VWC2: variants seen among roughly 807,000 people sequenced by gnomAD.
VWC2 encodes brorin.
A neutral mutation model predicts 29.8 loss-of-function variants in VWC2; 14 were observed. The ratio of observed to expected loss-of-function variants is 0.47; its 90% CI spans 0.31 to 0.74. The LOEUF (loss-of-function observed/expected upper bound fraction) is 0.74, where lower values mean the gene tolerates loss of function less well. Among genes scored for constraint, VWC2 ranks in the 30% least tolerant of loss-of-function variants. The pLI is 0.05. For synonymous variants in VWC2, 213 were observed against 199.0 expected, an observed-to-expected ratio of 1.07 and a Z score of -0.59; for missense variants, 457 against 459.8, an observed-to-expected ratio of 0.99 and a Z score of 0.05.
intron 3 of VWC2, among the ~76,000 whole-genome samples, chr7:49,885,740 T>A (rs1169842288): frequency 1.3e-5 from 2 of 152,160 alleles, no homozygotes; most frequent in African/African-American, 4.8e-5. Context: ...TGGGGCTAAT[T>A]TTAGATGCGG....
chr7:49,804,282 ACT>A (rs1458681388), intron 3 of VWC2, among the ~76,000 whole-genome samples: 4 of 151,590 alleles, frequency 2.6e-5, no homozygotes, highest in Non-Finnish European at 4.4e-5. Context: ...GGGGAAGAAG[ACT>A]CTGGGATTGG....
At chr7:49,892,035 T>C (rs924862388) in intron 3 of VWC2, among the ~76,000 whole-genome samples, 1 of 109,830 alleles carries the variant, frequency 9.1e-6, no homozygotes, top group Non-Finnish European at 1.9e-5. Context: ...AAGTAGATTT[T>C]TTTTTTTTTT....
intron 3 of VWC2, among the ~76,000 whole-genome samples, chr7:49,818,594 C>A (rs1346085295): frequency 1.3e-5 from 2 of 151,842 alleles, no homozygotes; most frequent in Admixed American, 6.6e-5. Flanking sequence ...TCTGCAGGAC[C>A]CCGAGAGAGA....
intron 3 of VWC2, among the ~76,000 whole-genome samples, chr7:49,829,894 T>C (rs1789486435): frequency 6.6e-6 from 1 of 152,380 alleles, no homozygotes; most frequent in Admixed American, 6.5e-5. Context: ...CTTTATCTGC[T>C]ACCTGGAAGC....
intron 3 of VWC2, among the ~76,000 whole-genome samples, chr7:49,854,176 C>T (rs1232707857): frequency 6.6e-6 from 1 of 152,144 alleles, no homozygotes; most frequent in African/African-American, 2.4e-5. Flanking sequence ...AATAAGCATA[C>T]ATGTGCACGT....
intron 2 of VWC2, among the ~76,000 whole-genome samples, chr7:49,790,734 C>A (rs1583629154): frequency 6.6e-6 from 1 of 151,576 alleles, no homozygotes; most frequent in East Asian, 2.0e-4. Context: ...GGGCCAGAGT[C>A]CCCAGGTGGC....
chr7:49,900,893 T>C (rs1447286127), intron 3 of VWC2, among the ~76,000 whole-genome samples: 2 of 151,896 alleles, frequency 1.3e-5, no homozygotes. Flanking sequence ...CCCAACCATG[T>C]GTAAGAATAA....
intron 3 of VWC2, among the ~76,000 whole-genome samples, chr7:49,859,107 C>A (rs1790544292): frequency 6.6e-6 from 1 of 152,142 alleles, no homozygotes; most frequent in Non-Finnish European, 1.5e-5. Flanking sequence ...AGGAAGCATA[C>A]CTTAGAGGAG....
Position 49,921,436 on chromosome 7 carries a change from T to G in VWC2, c.*9251T>G, listed in dbSNP as rs1295054735. 6 of 152,252 alleles carry G rather than the reference T, an allele frequency of 3.9e-5. No homozygotes were observed. Among genetic ancestry groups the G allele is most frequent in the Non-Finnish European group, 7.3e-5 (5 of 68,048 alleles). The allele number at this position is 152,252 out of a possible 1,614,324, so 9.4% of individuals were successfully genotyped here. On this transcript the variant is annotated 3_prime_UTR_variant, in exon 4 of 4. Coordinates refer to ENST00000340652, the MANE Select transcript of VWC2 (RefSeq NM_198570.5). ...GCAATTTATTTGCTTTAATGTAACT[T>G]GGCAGTAAAGACTTTGGCCTTTGGA...
At chr7:49,842,976 G>T (rs1356667180) in intron 3 of VWC2, among the ~76,000 whole-genome samples, 1 of 152,022 alleles carries the variant, frequency 6.6e-6, no homozygotes, top group Non-Finnish European at 1.5e-5. Context: ...GCTGAGGTTT[G>T]GGGTACAAGT....
chr7:49,853,579 T>A lies in VWC2; in HGVS notation c.826+50739T>A, dbSNP rs368200063. Among the ~76,000 whole-genome samples the A allele has an allele frequency of 3.8e-4, 58 of 152,218 alleles. No homozygotes were observed. In the East Asian group the frequency reaches 7.2e-3, roughly 19 times the overall value. ...GTAGACTATAAACCCTATAATGAGA[T>A]TAAATGAAAGAATTTACATAAAGTA... On this transcript the variant is annotated intron_variant, in intron 3 of 3. Transcript: ENST00000340652.
intron 3 of VWC2, among the ~76,000 whole-genome samples, chr7:49,812,304 T>C (rs1296429096): frequency 6.6e-6 from 1 of 152,204 alleles, no homozygotes; most frequent in Non-Finnish European, 1.5e-5. Flanking sequence ...TTATGGTATG[T>C]AAAATATTCC....
At chr7:49,890,534 C>G (rs897572741) in intron 3 of VWC2, among the ~76,000 whole-genome samples, 1 of 152,128 alleles carries the variant, frequency 6.6e-6, no homozygotes, top group Non-Finnish European at 1.5e-5. Context: ...TTTCTGCAGG[C>G]TAACTTCTCA....
At chr7:49,860,128 T>G (rs903066906) in intron 3 of VWC2, among the ~76,000 whole-genome samples, 2 of 152,198 alleles carry the variant, frequency 1.3e-5, no homozygotes, top group African/African-American at 4.8e-5. Context: ...ATTGCCATTT[T>G]AATCTTTTTA....
chr7:49,892,459 G>T (rs1792184016), intron 3 of VWC2, among the ~76,000 whole-genome samples: 1 of 152,190 alleles, frequency 6.6e-6, no homozygotes, highest in African/African-American at 2.4e-5. Flanking sequence ...AAGAAGTCCT[G>T]CTATACAGGG....
chr7:49,891,038 A>G (rs623107), intron 3 of VWC2, among the ~76,000 whole-genome samples: 117,131 of 152,176 alleles, frequency 0.77, 45,290 homozygotes, highest in East Asian at 0.89. Context: ...TCATTACTAT[A>G]TTGAATAAAA....
chr7:49,855,601 A>T (rs1790384474), intron 3 of VWC2, among the ~76,000 whole-genome samples: 1 of 152,240 alleles, frequency 6.6e-6, no homozygotes, highest in Admixed American at 6.5e-5. Context: ...CGTCCCTTTA[A>T]GTCAGGACAG....
intron 2 of VWC2, among the ~76,000 whole-genome samples, chr7:49,782,938 A>G (rs1392950556): frequency 6.6e-6 from 1 of 152,176 alleles, no homozygotes; most frequent in Admixed American, 6.5e-5. Flanking sequence ...TGTATGTGAA[A>G]GCAATTTGAA....
intron 3 of VWC2, among the ~76,000 whole-genome samples, chr7:49,837,246 G>A (rs1372345833): frequency 6.6e-6 from 1 of 152,216 alleles, no homozygotes; most frequent in Admixed American, 6.5e-5. Flanking sequence ...GAGACTCAAT[G>A]AACCATGCAA....
Sources: allele counts gnomAD v4.1 joint callset (sites outside exome capture counted in the v4.1 genomes callset), GRCh38; gene constraint gnomAD v4.1.1; transcripts MANE v1.5; gene names NCBI Gene and HGNC (gene_info 2026-07-23, HGNC 2026-07-21).